CD84: variants seen among roughly 807,000 people sequenced by gnomAD.
CD84 encodes the protein CD84 molecule.
CD84 carries 22 observed loss-of-function variants against 33.8 expected under a neutral mutation model. That is an observed-to-expected ratio of 0.65 (90% CI 0.46 to 0.93). The LOEUF (loss-of-function observed/expected upper bound fraction) is 0.93. Among genes scored for constraint, CD84 ranks in the 40% least tolerant of loss-of-function variants. The probability of loss-of-function intolerance (pLI) is 0.00; values close to 1 mark genes in which losing one functional copy is unlikely to be tolerated. For synonymous variants in CD84, 154 were observed against 145.2 expected, an observed-to-expected ratio of 1.06 and a Z score of -0.44; for missense variants, 400 against 397.6, an observed-to-expected ratio of 1.01 and a Z score of -0.05.
chr1:160,541,453 AT>A lies in CD84; in HGVS notation c.*6802del, dbSNP rs1173536982. The stretch of plus-strand genomic sequence containing the variant: ...AGCCAGTTGGAGAGAGAGCTAAGAA[AT>A]ACCATATCTATATAATTATCAGAGA... On this transcript the variant is annotated 3_prime_UTR_variant, in exon 7 of 7. Transcript: ENST00000368054. 1 of 152,264 alleles carries A rather than the reference AT, an allele frequency of 6.6e-6. No individual in the cohort carries two copies. The highest frequency in any genetic ancestry group is 6.5e-5 in the Admixed American group (1 of 15,292). 9.4% of individuals were successfully genotyped at this position (152,264 alleles called of 1,614,324 possible). A position where few individuals can be genotyped will look rare whatever the true frequency, so the allele number is the denominator to read the frequency against.
intron 1 of CD84, among the ~76,000 whole-genome samples, chr1:160,568,349 G>A (rs1157602524): frequency 6.6e-6 from 1 of 152,092 alleles, no homozygotes. Context: ...ATCAGGCAGT[G>A]GGGGTGGTGG....
intron 2 of CD84, among the ~76,000 whole-genome samples, chr1:160,557,966 C>T (rs1204353702): frequency 1.3e-5 from 2 of 152,198 alleles, no homozygotes; most frequent in Non-Finnish European, 2.9e-5. Flanking sequence ...GTTATACAGA[C>T]AGAGTTTTGA....
At chr1:160,568,386 T>A (rs1657457975) in intron 1 of CD84, among the ~76,000 whole-genome samples, 1 of 152,098 alleles carries the variant, frequency 6.6e-6, no homozygotes, top group Non-Finnish European at 1.5e-5. Flanking sequence ...GAAGCTGTTA[T>A]TTGTGCTGCT....
intron 1 of CD84, among the ~76,000 whole-genome samples, chr1:160,566,947 CT>C (rs1657367341): frequency 6.6e-6 from 1 of 152,222 alleles, no homozygotes; most frequent in South Asian, 2.1e-4. Context: ...TTTTTCTGCT[CT>C]TTCTCCTCCT....
At chr1:160,561,851 T>C (rs568185735) in intron 2 of CD84, among the ~76,000 whole-genome samples, 28 of 152,192 alleles carry the variant, frequency 1.8e-4, no homozygotes, top group South Asian at 1.2e-3. Context: ...AAATCACTAA[T>C]GTTCCTATAC....
intron 5 of CD84, among the ~76,000 whole-genome samples, chr1:160,550,396 G>A (rs1270770976): frequency 6.6e-6 from 1 of 152,050 alleles, no homozygotes; most frequent in Non-Finnish European, 1.5e-5. Context: ...TGGGGACACA[G>A]GAGAGGGCGA....
intron 4 of CD84, chr1:160,552,626 G>A: frequency 1.1e-6 from 1 of 927,220 alleles, no homozygotes; most frequent in South Asian, 1.4e-5. Flanking sequence ...CAAATCACGT[G>A]CTTAGTCTTA....
chr1:160,574,129 CTT>C (rs35717679), intron 1 of CD84, among the ~76,000 whole-genome samples: 173 of 142,456 alleles, frequency 1.2e-3, no homozygotes, highest in Admixed American at 1.2e-3. Context: ...AAAAACAAAG[CTT>C]TTTTTTTTTT....
chr1:160,551,139 G>T, intron 4 of CD84, 104 bp from the exon 5 acceptor site: 1 of 842,160 alleles, frequency 1.2e-6, no homozygotes, highest in African/African-American at 1.7e-5. Flanking sequence ...GAAGCCCCCA[G>T]GGATTAAATG....
At chr1:160,573,913 C>T (rs1031196590) in intron 1 of CD84, among the ~76,000 whole-genome samples, 4 of 151,826 alleles carry the variant, frequency 2.6e-5, no homozygotes, top group African/African-American at 9.7e-5. Flanking sequence ...CAATGAGATC[C>T]CATCTCTATG....
intron 1 of CD84, among the ~76,000 whole-genome samples, chr1:160,578,215 T>C (rs1658088269): frequency 6.6e-6 from 1 of 152,200 alleles, no homozygotes; most frequent in Admixed American, 6.6e-5. Context: ...TTCATATGGA[T>C]GACATAAGAA....
chr1:160,549,813 A>G, intron 6 of CD84, 104 bp downstream of exon 6: 4 of 863,924 alleles, frequency 4.6e-6, no homozygotes, highest in African/African-American at 1.6e-5. Flanking sequence ...GAGAACTACA[A>G]GGAGTCCCAG....
At chr1:160,573,370 G>C (rs1250282439) in intron 1 of CD84, among the ~76,000 whole-genome samples, 2 of 151,996 alleles carry the variant, frequency 1.3e-5, no homozygotes, top group Non-Finnish European at 2.9e-5. Context: ...TATTAAAAAT[G>C]AACACAGTGT....
intron 1 of CD84, among the ~76,000 whole-genome samples, chr1:160,578,006 G>T (rs1356764319): frequency 6.6e-6 from 1 of 152,156 alleles, no homozygotes; most frequent in Non-Finnish European, 1.5e-5. Context: ...AAAGCAATGA[G>T]TGAAGAGGTC....
At chr1:160,552,040 C>T (rs1656268576) in intron 4 of CD84, among the ~76,000 whole-genome samples, 1 of 152,126 alleles carries the variant, frequency 6.6e-6, no homozygotes, top group Non-Finnish European at 1.5e-5. Context: ...AAAAGAAGGC[C>T]AGAATTTTGG....
In CD84 at chr1:160,557,922, C is replaced by T. The variant is rs138443017; in HGVS notation, c.389-3776G>A. On this transcript the variant is annotated intron_variant, in intron 2 of 6. Coordinates refer to ENST00000368054, the MANE Select transcript of CD84 (RefSeq NM_003874.4). ...GCTGCTTTACTCTCACTGGGTGGGA[C>T]CTCCCTGCAGGGGCTTCAGCCACTC... 1.4e-4 allele frequency among the ~76,000 whole-genome samples: 22 copies of T among 152,260 alleles called. No homozygotes were observed. The East Asian group carries it at 3.9e-3, about 27-fold the overall frequency.
At chr1:160,548,458 G>A in intron 6 of CD84, 137 bp from the exon 7 acceptor site, 1 of 827,872 alleles carries the variant, frequency 1.2e-6, no homozygotes, top group Non-Finnish European at 2.0e-6. Flanking sequence ...GGAAATCTGG[G>A]GTAGCAGGGC....
rs767930987 is a variant in CD84, at chr1:160,549,905, G to T, written c.921+12C>A. 1.4e-5 allele frequency: 22 copies of T among 1,602,754 alleles called. No homozygotes were observed. Among genetic ancestry groups the T allele is most frequent in the Non-Finnish European group, 1.9e-5 (22 of 1,169,704 alleles). On this transcript the variant is annotated intron_variant, in intron 6 of 6. Coordinates refer to ENST00000368054, the MANE Select transcript of CD84 (RefSeq NM_003874.4). ...TTAGGAAAGCAAGGATAAAAAGCCAGAAAGGGGTTACCTTATCAGCAAACT... is the reference window on the plus strand; with the variant it reads ...TTAGGAAAGCAAGGATAAAAAGCCATAAAGGGGTTACCTTATCAGCAAACT...
In CD84 at chr1:160,545,270, G is replaced by C. The variant is rs1377997555; in HGVS notation, c.*2986C>G. The C allele has an allele frequency of 6.6e-6, 1 of 152,128 alleles. No homozygotes were observed. The highest frequency in any genetic ancestry group is 2.4e-5 in the African/African-American group (1 of 41,410). The allele number at this position is 152,128 out of a possible 1,614,324, so 9.4% of individuals were successfully genotyped here. ...TTTTATTTTTGACAATATGCATAGG[G>C]GCATTAGGACACTAGTAATTTTACT... On this transcript the variant is annotated 3_prime_UTR_variant, in exon 7 of 7. Transcript: ENST00000368054.
Sources: gnomAD v4.1 joint callset for allele counts (sites outside exome capture counted in the v4.1 genomes callset) on GRCh38, gnomAD v4.1.1 for gene constraint, MANE v1.5 for transcripts, NCBI Gene and HGNC (gene_info 2026-07-23, HGNC 2026-07-21) for gene names.